GLT1D1: variants seen among roughly 807,000 people sequenced by gnomAD.
The protein encoded by GLT1D1 is glycosyltransferase 1 domain-containing protein 1.
Under a neutral mutation model 28.7 loss-of-function variants are expected in GLT1D1, and 21 were observed. The observed-to-expected ratio is 0.73, with a 90% CI of 0.52 to 1.05. The LOEUF is 1.05. Ranked by LOEUF, GLT1D1 falls within the 50% of genes least tolerant of loss-of-function variation. GLT1D1 has a pLI of 0.00. For missense variants in GLT1D1, 343 were observed against 330.6 expected, an observed-to-expected ratio of 1.04 and a Z score of -0.29; for synonymous variants, 147 against 124.8, an observed-to-expected ratio of 1.18 and a Z score of -1.19.
At chr12:128,921,353 T>C (rs1409061771) in intron 4 of GLT1D1, among the ~76,000 whole-genome samples, 1 of 152,122 alleles carries the variant, frequency 6.6e-6, no homozygotes, top group African/African-American at 2.4e-5. Flanking sequence ...CCCTGCAGCG[T>C]CTTGCAGGTC....
chr12:128,976,933 G>A (rs972145666), intron 7 of GLT1D1, among the ~76,000 whole-genome samples: 1 of 152,198 alleles, frequency 6.6e-6, no homozygotes, highest in Admixed American at 6.5e-5. Flanking sequence ...ATCACTTGAG[G>A]CCAGGAGTTC....
intron 6 of GLT1D1, among the ~76,000 whole-genome samples, chr12:128,956,248 T>C (rs1404704942): frequency 6.7e-6 from 1 of 150,000 alleles, no homozygotes; most frequent in Non-Finnish European, 1.5e-5. Context: ...CCAAGTATCA[T>C]AGCTCAGCCT....
intron 4 of GLT1D1, among the ~76,000 whole-genome samples, chr12:128,933,996 A>T (rs1874229282): frequency 6.6e-6 from 1 of 152,060 alleles, no homozygotes; most frequent in Non-Finnish European, 1.5e-5. Flanking sequence ...TAACACCCTG[A>T]ATCTCACCAC....
At chr12:128,982,028 A>AT (rs939547957) in intron 7 of GLT1D1, among the ~76,000 whole-genome samples, 5 of 151,852 alleles carry the variant, frequency 3.3e-5, no homozygotes, top group East Asian at 1.9e-4. Flanking sequence ...AATACTTCTA[A>AT]TTTTTTTTCC....
intron 7 of GLT1D1, among the ~76,000 whole-genome samples, chr12:128,970,188 G>T (rs984268120): frequency 6.6e-6 from 1 of 152,192 alleles, no homozygotes; most frequent in Non-Finnish European, 1.5e-5. Flanking sequence ...GGACCCCGGT[G>T]GGCTGCAGCC....
intron 7 of GLT1D1, among the ~76,000 whole-genome samples, chr12:128,969,137 T>C (rs1031125376): frequency 1.6e-5 from 2 of 125,018 alleles, no homozygotes; most frequent in Non-Finnish European, 3.1e-5. Flanking sequence ...GTAGCCTTCC[T>C]CCCTCTCAGT....
chr12:128,864,855 G>A (rs1956476510), intron 1 of GLT1D1, among the ~76,000 whole-genome samples: 1 of 152,138 alleles, frequency 6.6e-6, no homozygotes, highest in Non-Finnish European at 1.5e-5. Flanking sequence ...ATGTGCCAGA[G>A]GGGTGGGCAT....
chr12:128,913,249 T>A (rs962710703), intron 4 of GLT1D1, among the ~76,000 whole-genome samples: 1 of 152,150 alleles, frequency 6.6e-6, no homozygotes, highest in East Asian at 1.9e-4. Context: ...AGATGAAGTC[T>A]TGCTCTGTCG....
intron 3 of GLT1D1, among the ~76,000 whole-genome samples, chr12:128,892,301 A>C (rs1479798813): frequency 6.6e-6 from 1 of 152,052 alleles, no homozygotes; most frequent in Non-Finnish European, 1.5e-5. Flanking sequence ...GTGAGTGTGC[A>C]TGTGTGTGCG....
At chr12:128,936,581 G>A (rs562506382) in intron 4 of GLT1D1, among the ~76,000 whole-genome samples, 12 of 152,282 alleles carry the variant, frequency 7.9e-5, no homozygotes, top group South Asian at 2.1e-4. Context: ...TAGCTCAACC[G>A]TTTCAACGAA....
Position 128,946,380 on chromosome 12 carries a change from T to G in GLT1D1, c.420-958T>G, listed in dbSNP as rs577372800. On this transcript the variant is annotated intron_variant, in intron 5 of 7. Transcript: ENST00000281703. ...TGTTGTTGTTGAGACAGAGTTTCGCTCTGTCGCTCAGGCTGGAGTGCAGTG... is the reference window on the plus strand; with the variant it reads ...TGTTGTTGTTGAGACAGAGTTTCGCGCTGTCGCTCAGGCTGGAGTGCAGTG... Among the ~76,000 whole-genome samples, 589 of 152,260 alleles carry G rather than the reference T, an allele frequency of 3.9e-3. 7 individuals are homozygous for G. Among genetic ancestry groups the G allele is most frequent in the African/African-American group, 0.013 (540 of 41,552 alleles).
chr12:128,946,086 AG>A (rs1876031999), intron 5 of GLT1D1, among the ~76,000 whole-genome samples: 1 of 152,190 alleles, frequency 6.6e-6, no homozygotes, highest in Admixed American at 6.5e-5. Flanking sequence ...ATCTATAATC[AG>A]GGATCTTTAG....
intron 7 of GLT1D1, among the ~76,000 whole-genome samples, chr12:128,980,049 G>A (rs549857923): frequency 6.6e-5 from 10 of 152,194 alleles, no homozygotes; most frequent in Non-Finnish European, 1.0e-4. Context: ...ATCATAAGTC[G>A]GGACTGTTTG....
At chr12:128,953,844 C>T (rs1446286217) in intron 6 of GLT1D1, among the ~76,000 whole-genome samples, 1 of 151,190 alleles carries the variant, frequency 6.6e-6, no homozygotes, top group Non-Finnish European at 1.5e-5. Context: ...CTCCCGGGAT[C>T]AAGCGATTCT....
In GLT1D1 at chr12:128,984,506, G is replaced by A. The variant is rs1880608467; in HGVS notation, c.*1416G>A. 6.6e-6 allele frequency: 1 copy of A among 152,138 alleles called. No individual in the cohort carries two copies. The highest frequency in any genetic ancestry group is 1.5e-5 in the Non-Finnish European group (1 of 68,050). 9.4% of individuals were successfully genotyped at this position (152,138 alleles called of 1,614,324 possible). The stretch of plus-strand genomic sequence containing the variant: ...TGTAATAGAATCGCTTTCCAGAAAG[G>A]CAGTTAACTGGAAGCAGCAGAGGCT... On this transcript the variant is annotated 3_prime_UTR_variant, in exon 8 of 8. Coordinates refer to ENST00000281703, the MANE Select transcript of GLT1D1 (RefSeq NM_144669.3).
chr12:128,961,563 G>GAA (rs1877946990), intron 7 of GLT1D1, among the ~76,000 whole-genome samples: 1 of 152,218 alleles, frequency 6.6e-6, no homozygotes, highest in South Asian at 2.1e-4. Flanking sequence ...GGTAGGCAAA[G>GAA]AACGATGACT....
chr12:128,942,467 A>C (rs1207240817), intron 4 of GLT1D1, among the ~76,000 whole-genome samples: 1 of 152,188 alleles, frequency 6.6e-6, no homozygotes, highest in Non-Finnish European at 1.5e-5. Flanking sequence ...TTTTTTCCCC[A>C]AAAATACATA....
intron 4 of GLT1D1, among the ~76,000 whole-genome samples, chr12:128,941,102 G>A (rs1037870125): frequency 2.0e-5 from 3 of 152,264 alleles, no homozygotes; most frequent in Middle Eastern, 3.4e-3. Flanking sequence ...CCTGTCTGGT[G>A]TAACTCACGT....
chr12:128,898,972 C>T (rs1231557371), intron 3 of GLT1D1, among the ~76,000 whole-genome samples: 2 of 152,200 alleles, frequency 1.3e-5, no homozygotes, highest in African/African-American at 4.8e-5. Flanking sequence ...TTGATTTTAT[C>T]CCTGCCTCTC....
Sources: allele counts gnomAD v4.1 joint callset (sites outside exome capture counted in the v4.1 genomes callset), GRCh38; gene constraint gnomAD v4.1.1; transcripts MANE v1.5; gene names NCBI Gene and HGNC (gene_info 2026-07-23, HGNC 2026-07-21).